Variants in SDK2 observed in about 807,000 individuals in gnomAD.
SDK2 encodes the protein sidekick cell adhesion molecule 2.
Under a neutral mutation model 253.9 loss-of-function variants are expected in SDK2, and 105 were observed. That is an observed-to-expected ratio of 0.41 (90% CI 0.35 to 0.49). The LOEUF is 0.49. Ranked by LOEUF, SDK2 falls within the 20% of genes least tolerant of loss-of-function variation. The probability of loss-of-function intolerance (pLI) is 0.06; values close to 1 mark genes in which losing one functional copy is unlikely to be tolerated. For missense variants in SDK2, 2,608 were observed against 3,003.0 expected (o/e 0.87, Z 3.07); for synonymous variants, 1,249 against 1,234.9 (o/e 1.01, Z -0.24).
At chr17:73,430,679 TG>T in intron 11 of SDK2, 66 bp from the exon 12 acceptor site, 1 of 1,116,978 alleles carries the variant, frequency 9.0e-7, no homozygotes, top group South Asian at 1.8e-5. Flanking sequence ...GGACTCTGGG[TG>T]GATACCATAT....
At chr17:73,582,244 T>C (rs1025811523) in intron 1 of SDK2, among the ~76,000 whole-genome samples, 2 of 146,974 alleles carry the variant, frequency 1.4e-5, no homozygotes, top group Non-Finnish European at 3.0e-5. Flanking sequence ...GGCATCAGCA[T>C]TTGGGGGCGC....
intron 18 of SDK2, among the ~76,000 whole-genome samples, chr17:73,406,906 G>A (rs2063083868): frequency 6.6e-6 from 1 of 152,184 alleles, no homozygotes; most frequent in African/African-American, 2.4e-5. Context: ...ACTACGTTCA[G>A]TAATCATAGT....
At chr17:73,365,063 A>C (rs1296526400) in intron 38 of SDK2, among the ~76,000 whole-genome samples, 195 bp downstream of exon 38, 1 of 152,146 alleles carries the variant, frequency 6.6e-6, no homozygotes, top group Non-Finnish European at 1.5e-5. Context: ...TCTCTCTTCC[A>C]ACTCTGCCCT....
At chr17:73,377,260 C>T (rs112377535) in intron 36 of SDK2, among the ~76,000 whole-genome samples, 23 of 143,440 alleles carry the variant, frequency 1.6e-4, no homozygotes, top group African/African-American at 4.4e-4. Flanking sequence ...GCTCTGTTGT[C>T]CAGGCTGGAG....
chr17:73,488,531 C>T (rs925213920), intron 2 of SDK2, among the ~76,000 whole-genome samples: 2 of 152,014 alleles, frequency 1.3e-5, no homozygotes, highest in Non-Finnish European at 2.9e-5. Context: ...GCACAAAATG[C>T]ACACAGCTCT....
In SDK2 at chr17:73,358,148, T is replaced by G. The variant is rs761159020; in HGVS notation, c.5524A>C (p.Ile1842Leu). 2 of 1,613,124 alleles carry G rather than the reference T, an allele frequency of 1.2e-6. No individual in the cohort carries two copies. Among genetic ancestry groups the G allele is most frequent in the Admixed American group, 1.7e-5 (1 of 59,888 alleles). ...CCCGGGTCTCCGCTGGACCAGTGAATGGCGATGGCAGAGCTGTACCGCACG... is the reference window on the plus strand; with the variant it reads ...CCCGGGTCTCCGCTGGACCAGTGAAGGGCGATGGCAGAGCTGTACCGCACG... ...IIVRYSSAIA[I>L]HWSSGDPGKG... is the part of the protein sequence containing the mutation. Residue 1842 changes from isoleucine (I) to leucine (L), a missense_variant, in exon 40 of 45, where the codon ATT becomes CTT. Physicochemically the swap from Ile to Leu is conservative, Grantham distance 5. Around this residue, in one of 2 missense-constraint regions of SDK2, gnomAD observed 1,103 missense variants for 1,143.9 expected, o/e 0.96. Coordinates refer to ENST00000392650, the MANE Select transcript of SDK2 (RefSeq NM_001144952.2).
intron 36 of SDK2, among the ~76,000 whole-genome samples, chr17:73,378,540 C>T (rs1427232496): frequency 6.6e-6 from 1 of 152,074 alleles, no homozygotes; most frequent in Non-Finnish European, 1.5e-5. Flanking sequence ...CTGCCTCAGC[C>T]TCTCGAATAG....
rs368007880 is a variant in SDK2, at chr17:73,618,729, C to T, written c.64+25296G>A. ...ACTTCCTATTCCCCGATCACCCCTG[C>T]CATCCTCACGGCCAAGGAAAGCAAT... On this transcript the variant is annotated intron_variant, in intron 1 of 44. Coordinates refer to ENST00000392650, the MANE Select transcript of SDK2 (RefSeq NM_001144952.2). The surrounding 1 kb of genome is among the most constrained non-coding windows in gnomAD (Gnocchi z 4.1). Among the ~76,000 whole-genome samples the T allele has an allele frequency of 1.3e-5, 2 of 152,286 alleles. No homozygotes were observed. The highest frequency in any genetic ancestry group is 2.1e-4 in the South Asian group (1 of 4,814).
chr17:73,495,552 G>A (rs2063835518), intron 2 of SDK2, among the ~76,000 whole-genome samples: 1 of 152,174 alleles, frequency 6.6e-6, no homozygotes, highest in South Asian at 2.1e-4. Flanking sequence ...TGTGGCCTGA[G>A]GATCCTCAAA....
Position 73,465,653 on chromosome 17 carries a change from A to C in SDK2, c.331+6459T>G, listed in dbSNP as rs1318889931. Among the ~76,000 whole-genome samples, 1 of 152,200 alleles carries C rather than the reference A, an allele frequency of 6.6e-6. No homozygotes were observed. Among genetic ancestry groups the C allele is most frequent in the South Asian group, 2.1e-4 (1 of 4,820 alleles). ...TGACTTCCCCTTAATTGCTGTAATT[A>C]AAAACATGTAAAGAATCCTTTTTTA... On this transcript the variant is annotated intron_variant, in intron 3 of 44. Coordinates refer to ENST00000392650, the MANE Select transcript of SDK2 (RefSeq NM_001144952.2). This position sits in a 1 kb window ranked among gnomAD's most constrained non-coding sequence, Gnocchi z 4.2.
At chr17:73,428,543 C>T (rs1043011001) in intron 12 of SDK2, among the ~76,000 whole-genome samples, 1 of 152,122 alleles carries the variant, frequency 6.6e-6, no homozygotes, top group African/African-American at 2.4e-5. Flanking sequence ...AAAGTAATTG[C>T]AGTTTTGACC....
intron 1 of SDK2, among the ~76,000 whole-genome samples, chr17:73,620,032 C>CTACGTTTTG (rs994776589): frequency 2.6e-5 from 4 of 152,118 alleles, no homozygotes; most frequent in African/African-American, 9.7e-5. Context: ...AACCCTGTCT[C>CTACGTTTTG]TACAAAACGT....
At chr17:73,358,284 A>C in intron 39 of SDK2, 80 bp from the exon 40 acceptor site, 2 of 1,519,426 alleles carry the variant, frequency 1.3e-6, no homozygotes, top group Non-Finnish European at 8.8e-7. Context: ...TCGAGGAGGA[A>C]CACTGGGTGA....
chr17:73,419,695 C>A (rs1268951440), intron 15 of SDK2, among the ~76,000 whole-genome samples: 1 of 141,412 alleles, frequency 7.1e-6, no homozygotes, highest in African/African-American at 2.7e-5. Flanking sequence ...CATGGCAAGA[C>A]CCTGTCTCTA....
intron 31 of SDK2, 121 bp downstream of exon 31, chr17:73,386,324 G>A: frequency 1.4e-6 from 1 of 732,404 alleles, no homozygotes; most frequent in Non-Finnish European, 2.3e-6. Flanking sequence ...GGGAGCTGAA[G>A]GGCCCAGTGG....
chr17:73,499,693 C>T (rs1310248841), intron 2 of SDK2, among the ~76,000 whole-genome samples: 2 of 152,218 alleles, frequency 1.3e-5, no homozygotes, highest in African/African-American at 2.4e-5. Context: ...CGCTCACTCT[C>T]TGGATAATCC....
chr17:73,447,622 G>A lies in SDK2; in HGVS notation c.606C>T (p.Thr202=), dbSNP rs1461952362. 1.8e-5 allele frequency: 28 copies of A among 1,551,806 alleles called. No individual in the cohort carries two copies. In the Admixed American group the frequency reaches 2.2e-4, roughly 12 times the overall value. The change falls in exon 5 of 45, where the codon ACC becomes ACT. Residue 202 remains threonine (T), a synonymous_variant. Coordinates refer to ENST00000392650, the MANE Select transcript of SDK2 (RefSeq NM_001144952.2). This position sits in a 1 kb window ranked among gnomAD's most constrained non-coding sequence, Gnocchi z 4.0. ...DNKTSQPITL[T]VENVGGPADP... ...GGCCCTGTGCGTACTTACTCTCCAC[G>A]GTGAGCGTGATGGGCTGGCTGGTCT...
At chr17:73,564,352 A>AG (rs1392329317) in intron 1 of SDK2, among the ~76,000 whole-genome samples, 1 of 152,218 alleles carries the variant, frequency 6.6e-6, no homozygotes, top group Non-Finnish European at 1.5e-5. Context: ...GGCTTAGAGT[A>AG]TAAAGTCCAC....
Position 73,618,694 on chromosome 17 carries a change from TAGAC to T in SDK2, c.64+25327_64+25330del, listed in dbSNP as rs2046090299. Among the ~76,000 whole-genome samples, 1 of 152,082 alleles carries T rather than the reference TAGAC, an allele frequency of 6.6e-6. No individual in the cohort carries two copies. The highest frequency in any genetic ancestry group is 2.1e-4 in the South Asian group (1 of 4,824). On this transcript the variant is annotated intron_variant, in intron 1 of 44. Transcript: ENST00000392650. This position sits in a 1 kb window ranked among gnomAD's most constrained non-coding sequence, Gnocchi z 4.1. ...AAGACTCTTCTACAGGGAAGGTACTTAGACAGGCAACTTCCTATTCCCCGATCAC... is the reference window on the plus strand; with the variant it reads ...AAGACTCTTCTACAGGGAAGGTACTTAGGCAACTTCCTATTCCCCGATCAC...
Sources: allele counts gnomAD v4.1 joint callset (sites outside exome capture counted in the v4.1 genomes callset), GRCh38; gene constraint gnomAD v4.1.1; regional missense constraint gnomAD v4.1.1; non-coding constraint Gnocchi (gnomAD v3.1); transcripts MANE v1.5; gene names NCBI Gene and HGNC (gene_info 2026-07-23, HGNC 2026-07-21).